The following ZC3H13 variants were observed in gnomAD, a reference collection of about 807,000 sequenced individuals.
ZC3H13 encodes zinc finger CCCH-type containing 13, also known as zinc finger CCCH domain-containing protein 13.
ZC3H13 carries 64 observed loss-of-function variants against 204.1 expected under a neutral mutation model. The observed-to-expected ratio is 0.31, with a 90% CI of 0.26 to 0.39. The LOEUF (loss-of-function observed/expected upper bound fraction) is 0.39. ZC3H13 is among the 10% of genes least tolerant of loss of function. The pLI, the probability that ZC3H13 is intolerant of heterozygous loss-of-function variation, is 1.00. For missense variants in ZC3H13, 1,833 were observed against 2,082.7 expected, an observed-to-expected ratio of 0.88 and a Z score of 2.33; for synonymous variants, 667 against 693.7, an observed-to-expected ratio of 0.96 and a Z score of 0.60.
chr13:46,022,121 TTAA>T (rs1378098548), intron 4 of ZC3H13, among the ~76,000 whole-genome samples: 2 of 151,914 alleles, frequency 1.3e-5, no homozygotes, highest in Non-Finnish European at 2.9e-5. Flanking sequence ...ATAAATGTCA[TTAA>T]TAATGATGTC....
At position 45,969,215 on chromosome 13, in the gene ZC3H13, G is replaced by A; in HGVS notation, c.3329C>T (p.Ala1110Val). 2 of 1,613,896 alleles carry A rather than the reference G, an allele frequency of 1.2e-6. No homozygotes were observed. Among genetic ancestry groups the A allele is most frequent in the African/African-American group, 1.3e-5 (1 of 75,056 alleles). ...AGTTGCAGGCACAGTTGTAGCAGTG[G>A]CAGTAGCCACAGGCGGTGGAGGAGG... ...LLPPPPPVAT[A>V]TATTVPATLA... Residue 1110 changes from alanine (A) to valine (V), a missense_variant, in exon 14 of 19, where the codon GCC (alanine) becomes GTC (valine). Coordinates refer to ENST00000679008, the MANE Select transcript of ZC3H13 (RefSeq NM_001330564.2).
chr13:46,037,180 T>A (rs183636050), intron 4 of ZC3H13, among the ~76,000 whole-genome samples: 1 of 152,088 alleles, frequency 6.6e-6, no homozygotes, highest in East Asian at 1.9e-4. Flanking sequence ...CATCAAAAAA[T>A]TGTTAAAATA....
In ZC3H13 at chr13:45,975,828, T is replaced by C; in HGVS notation, c.1923A>G (p.Pro641=). 1 of 1,610,078 alleles carries C rather than the reference T, an allele frequency of 6.2e-7. No individual in the cohort carries two copies. Among genetic ancestry groups the C allele is most frequent in the South Asian group, 1.1e-5 (1 of 90,854 alleles). The part of the protein sequence containing the change: ...RRDNRERDQR[P]SSPIRHQGRN... ...TTCCCTGATGTCGAATTGGTGAGCT[T>C]GGTCTTTGATCTACAATGAAAATCA... The change falls in exon 12 of 19, where the codon CCA becomes CCG. Residue 641 remains proline (P), a synonymous_variant. Coordinates refer to ENST00000679008, the MANE Select transcript of ZC3H13 (RefSeq NM_001330564.2).
Position 45,969,768 on chromosome 13 carries a change from T to C in ZC3H13, c.2776A>G (p.Ile926Val), listed in dbSNP as rs770481757. Residue 926 changes from isoleucine to valine, a missense_variant, in exon 14 of 19, where the codon ATC (isoleucine) becomes GTC (valine). Coordinates refer to ENST00000679008, the MANE Select transcript of ZC3H13 (RefSeq NM_001330564.2). Reference protein sequence around the residue: ...SVDKQREQTEILESSRMRAQD... With the variant: ...SVDKQREQTEVLESSRMRAQD... ...GCACGCATTCTTGAGCTTTCCAGGA[T>C]TTCTGTCTGTTCTCTCTGTTTATCT... 17 of 1,613,810 alleles carry C rather than the reference T, an allele frequency of 1.1e-5. No individual in the cohort carries two copies. In the African/African-American group the frequency reaches 2.0e-4, roughly 19 times the overall value.
chr13:46,045,683 GATA>G (rs1461768287), intron 1 of ZC3H13, among the ~76,000 whole-genome samples, 167 bp from the exon 2 acceptor site: 2 of 151,962 alleles, frequency 1.3e-5, no homozygotes, highest in Non-Finnish European at 2.9e-5. Context: ...GGTAAACAGA[GATA>G]ATATCTTCTA....
chr13:45,979,669 G>T, intron 11 of ZC3H13, 144 bp downstream of exon 11: 1 of 747,692 alleles, frequency 1.3e-6, no homozygotes, highest in Non-Finnish European at 2.0e-6. Context: ...AAGATTATAT[G>T]AGTATATATA....
Position 45,967,545 on chromosome 13 carries a change from A to T in ZC3H13, c.4280T>A (p.Phe1427Tyr). Reference protein sequence around the residue: ...MDKDLGSVQGFEETNKSERTE... With the variant: ...MDKDLGSVQGYEETNKSERTE... ...TCTCTCGGATTTATTTGTTTCTTCA[A>T]ATCCCTGCACAGATCCCAGATCTTT... Residue 1427 changes from phenylalanine (F) to tyrosine (Y), a missense_variant, in exon 15 of 19, where the codon TTT becomes TAT. Coordinates refer to ENST00000679008, the MANE Select transcript of ZC3H13 (RefSeq NM_001330564.2). The T allele has an allele frequency of 6.3e-7, 1 of 1,586,592 alleles. No homozygotes were observed. Among genetic ancestry groups the T allele is most frequent in the Middle Eastern group, 1.7e-4 (1 of 5,884 alleles).
intron 5 of ZC3H13, among the ~76,000 whole-genome samples, chr13:46,015,334 GCCGT>G (rs2041847389): frequency 6.6e-6 from 1 of 151,724 alleles, no homozygotes. Context: ...TTTTAACTAG[GCCGT>G]CTTTTTCTTA....
intron 1 of ZC3H13, among the ~76,000 whole-genome samples, chr13:46,050,468 CATA>C (rs2044325866): frequency 6.6e-6 from 1 of 152,192 alleles, no homozygotes. Context: ...TGAGTAGCGG[CATA>C]ATATTAGGGA....
Position 45,967,726 on chromosome 13 carries a change from C to T in ZC3H13, c.4099G>A (p.Val1367Ile), listed in dbSNP as rs907273158. 6.2e-7 allele frequency: 1 copy of T among 1,613,700 alleles called. No individual in the cohort carries two copies. Residue 1367 changes from valine to isoleucine, a missense_variant, in exon 15 of 19, where the codon GTT becomes ATT. By Grantham distance (29) the Val-to-Ile change is conservative. Transcript: ENST00000679008. ...CTGTCTCTGTCCCTGTCCCTTTCAACAGAATCAGAAATTAGTCTCTCTCTT... is the reference window on the plus strand; with the variant it reads ...CTGTCTCTGTCCCTGTCCCTTTCAATAGAATCAGAAATTAGTCTCTCTCTT... Reference protein sequence around the residue: ...RERERLISDSVERDRDRDRDR... With the variant: ...RERERLISDSIERDRDRDRDR...
At chr13:45,963,812 C>T (rs759083901) in intron 17 of ZC3H13, 30 bp downstream of exon 17, 3 of 1,613,080 alleles carry the variant, frequency 1.9e-6, no homozygotes, top group Non-Finnish European at 2.5e-6. Context: ...GGTTAACAGA[C>T]ATTATATAGT....
At chr13:46,023,898 C>T (rs1239030410) in intron 4 of ZC3H13, among the ~76,000 whole-genome samples, 1 of 152,162 alleles carries the variant, frequency 6.6e-6, no homozygotes, top group Non-Finnish European at 1.5e-5. Flanking sequence ...CTCCCACAAG[C>T]ACAAATAAGA....
chr13:45,967,385 G>A (rs1777043066), intron 15 of ZC3H13, 119 bp downstream of exon 15: 4 of 1,121,080 alleles, frequency 3.6e-6, no homozygotes, highest in African/African-American at 1.6e-5. Context: ...CTCTATAGAA[G>A]AATGGAGAAT....
chr13:46,006,873 A>C (rs1490289119), intron 7 of ZC3H13, among the ~76,000 whole-genome samples: 1 of 151,426 alleles, frequency 6.6e-6, no homozygotes, highest in Non-Finnish European at 1.5e-5. Flanking sequence ...AATTACTAAA[A>C]TATGACGACT....
chr13:46,028,720 A>G (rs1033426078), intron 4 of ZC3H13, among the ~76,000 whole-genome samples: 2 of 152,204 alleles, frequency 1.3e-5, no homozygotes, highest in African/African-American at 4.8e-5. Flanking sequence ...GTCAAAGAAG[A>G]AATTGCAAAA....
chr13:45,989,575 A>G (rs2039821335), intron 8 of ZC3H13, among the ~76,000 whole-genome samples: 1 of 152,248 alleles, frequency 6.6e-6, no homozygotes, highest in Non-Finnish European at 1.5e-5. Context: ...TCCACGCTGC[A>G]TGGGTTGACA....
chr13:46,035,879 C>T (rs2043178113), intron 4 of ZC3H13, among the ~76,000 whole-genome samples: 2 of 152,146 alleles, frequency 1.3e-5, no homozygotes, highest in Admixed American at 1.3e-4. Context: ...CTTAAAAGTC[C>T]TCCACTGCAG....
At chr13:45,963,805 T>A in intron 17 of ZC3H13, 37 bp downstream of exon 17, 1 of 1,612,578 alleles carries the variant, frequency 6.2e-7, no homozygotes, top group South Asian at 1.1e-5. Context: ...CTTAAATGGT[T>A]AACAGACATT....
intron 4 of ZC3H13, among the ~76,000 whole-genome samples, chr13:46,021,818 T>C (rs1237153165): frequency 3.9e-5 from 6 of 151,966 alleles, no homozygotes; most frequent in Admixed American, 2.0e-4. Context: ...AAACATATTA[T>C]GTGGAACATC....
Sources: allele counts gnomAD v4.1 joint callset (sites outside exome capture counted in the v4.1 genomes callset), GRCh38; gene constraint gnomAD v4.1.1; transcripts MANE v1.5; gene names NCBI Gene and HGNC (gene_info 2026-07-23, HGNC 2026-07-21).